Variants in NOVA1 observed in about 807,000 individuals in gnomAD.
The protein encoded by NOVA1 is NOVA alternative splicing regulator 1.
NOVA1 carries 7 observed loss-of-function variants against 38.0 expected under a neutral mutation model. The observed-to-expected ratio is 0.18, with a 90% CI of 0.10 to 0.35. The LOEUF (loss-of-function observed/expected upper bound fraction) is 0.35, where lower values mean the gene tolerates loss of function less well. Ranked by LOEUF, NOVA1 falls within the 10% of genes least tolerant of loss-of-function variation. The pLI is 1.00. For synonymous variants in NOVA1, 270 were observed against 232.5 expected (o/e 1.16, Z -1.47); for missense variants, 460 against 616.0 (o/e 0.75, Z 2.68).
At chr14:26,503,887 C>T (rs1021094782) in intron 2 of NOVA1, among the ~76,000 whole-genome samples, 53 of 151,908 alleles carry the variant, frequency 3.5e-4, no homozygotes, top group South Asian at 2.1e-4. Context: ...AGGCACAAAC[C>T]GAAAAATGAA....
intron 2 of NOVA1, among the ~76,000 whole-genome samples, chr14:26,509,417 A>C (rs1398385301): frequency 6.6e-6 from 1 of 152,172 alleles, no homozygotes; most frequent in East Asian, 1.9e-4. Flanking sequence ...TTTAAAGATA[A>C]AATTGTCAAA....
intron 2 of NOVA1, chr14:26,593,674 TAAATA>T (rs1483222625): frequency 1.3e-5 from 2 of 151,874 alleles, no homozygotes; most frequent in African/African-American, 2.4e-5. Context: ...CTCAGAACTA[TAAATA>T]AAATAATCAA....
chr14:26,494,342 G>A lies in NOVA1; in HGVS notation c.281-14199C>T, dbSNP rs192920582. On this transcript the variant is annotated intron_variant, in intron 2 of 4. Coordinates refer to ENST00000539517, the MANE Select transcript of NOVA1 (RefSeq NM_002515.3). ...TCTCAAATCCCAGGTTTTGGGGGAG[G>A]GGCATGAAATTTTGGCTATTTTCCT... is the stretch of plus-strand genomic sequence containing the variant. Among the ~76,000 whole-genome samples the A allele has an allele frequency of 3.5e-4, 53 of 152,184 alleles. 1 individual carries two copies. The East Asian group carries it at 8.0e-3, about 23-fold the overall frequency.
chr14:26,541,630 C>A (rs1397602794), intron 2 of NOVA1, among the ~76,000 whole-genome samples: 4 of 148,842 alleles, frequency 2.7e-5, no homozygotes, highest in Admixed American at 1.4e-4. Flanking sequence ...AACAGAAAAA[C>A]AGAATTTTGT....
intron 2 of NOVA1, among the ~76,000 whole-genome samples, chr14:26,548,040 A>G (rs1261971245): frequency 6.6e-6 from 1 of 152,110 alleles, no homozygotes; most frequent in Non-Finnish European, 1.5e-5. Context: ...TGTATTGTCC[A>G]AAGATTATAT....
At chr14:26,461,225 G>C (rs1402388560) in intron 4 of NOVA1, among the ~76,000 whole-genome samples, 1 of 152,108 alleles carries the variant, frequency 6.6e-6, no homozygotes, top group Admixed American at 6.6e-5. Flanking sequence ...AAAAAGGAAT[G>C]TTACAGAGCG....
chr14:26,461,766 TAA>T (rs67979659), intron 4 of NOVA1, among the ~76,000 whole-genome samples: 5 of 125,896 alleles, frequency 4.0e-5, no homozygotes, highest in Admixed American at 8.4e-5. Flanking sequence ...CCATCTTTAC[TAA>T]AAAAAAAAAA....
intron 2 of NOVA1, among the ~76,000 whole-genome samples, chr14:26,538,684 C>A (rs187243519): frequency 2.0e-5 from 3 of 152,038 alleles, no homozygotes; most frequent in Admixed American, 6.6e-5. Flanking sequence ...TCTTGCCCCC[C>A]ACTCCTTTCC....
At chr14:26,472,498 T>G in intron 3 of NOVA1, 107 bp from the exon 4 acceptor site, 1 of 478,856 alleles carries the variant, frequency 2.1e-6, no homozygotes, top group Non-Finnish European at 3.5e-6. Context: ...AACAAAATCC[T>G]ATGAACAAAT....
chr14:26,578,000 A>G (rs969220136), intron 2 of NOVA1, among the ~76,000 whole-genome samples: 2 of 146,954 alleles, frequency 1.4e-5, no homozygotes, highest in African/African-American at 5.0e-5. Flanking sequence ...AGGAAATGAG[A>G]AAAAAAAAAA....
intron 2 of NOVA1, among the ~76,000 whole-genome samples, chr14:26,580,681 A>T (rs1055474987): frequency 1.3e-5 from 2 of 152,012 alleles, no homozygotes; most frequent in African/African-American, 4.8e-5. Flanking sequence ...ACCACTAAAA[A>T]CAATAACTGC....
In NOVA1 at chr14:26,447,442, A is replaced by G. The variant is rs1173306557; in HGVS notation, c.*517T>C. ...AAATATTTTACAGTGCTTTTATGCA[A>G]CTATATTGCTTTTTGATCATTTTAA... On this transcript the variant is annotated 3_prime_UTR_variant, in exon 5 of 5. Transcript: ENST00000539517. 3 of 156,098 alleles carry G rather than the reference A, an allele frequency of 1.9e-5. No individual in the cohort carries two copies. Among genetic ancestry groups the G allele is most frequent in the South Asian group, 1.9e-4 (1 of 5,172 alleles). The allele number at this position is 156,098 out of a possible 1,614,324, so 9.7% of individuals were successfully genotyped here. A position where few individuals can be genotyped will look rare whatever the true frequency, so the allele number is the denominator to read the frequency against.
intron 2 of NOVA1, among the ~76,000 whole-genome samples, chr14:26,541,204 T>G (rs1053830446): frequency 6.6e-6 from 1 of 152,052 alleles, no homozygotes; most frequent in Non-Finnish European, 1.5e-5. Flanking sequence ...TGGGAAAATG[T>G]GAAGTTGGAG....
intron 4 of NOVA1, among the ~76,000 whole-genome samples, chr14:26,462,557 G>A (rs569400398): frequency 6.6e-6 from 1 of 152,144 alleles, no homozygotes; most frequent in Non-Finnish European, 1.5e-5. Flanking sequence ...TATAAAGCTA[G>A]AGTTGAGTAT....
chr14:26,556,982 T>A (rs1891526072), intron 2 of NOVA1, among the ~76,000 whole-genome samples: 1 of 152,172 alleles, frequency 6.6e-6, no homozygotes, highest in Non-Finnish European at 1.5e-5. Context: ...TGATTTCTTT[T>A]GAGGATGTAT....
At position 26,448,371 on chromosome 14, in the gene NOVA1, G is replaced by A. The variant is rs1225291837; in HGVS notation, c.1112C>T (p.Ala371Val). ...LLATYASEAS[A>V]SGSTAGGTAG... The stretch of plus-strand genomic sequence containing the variant: ...CGTACCACCAGCTGTGCTGCCACTG[G>A]CTGAGGCTTCACTGGCATAGGTGGC... Residue 371 changes from alanine to valine, a missense_variant, in exon 5 of 5, where the codon GCC (alanine) becomes GTC (valine). Transcript: ENST00000539517. This position sits in a 1 kb window ranked among gnomAD's most constrained non-coding sequence, Gnocchi z 5.3. 1.9e-6 allele frequency: 3 copies of A among 1,613,866 alleles called. No homozygotes were observed. Among genetic ancestry groups the A allele is most frequent in the Non-Finnish European group, 1.7e-6 (2 of 1,179,992 alleles).
chr14:26,485,397 TA>T (rs1487048204), intron 2 of NOVA1, among the ~76,000 whole-genome samples: 1 of 152,172 alleles, frequency 6.6e-6, no homozygotes, highest in African/African-American at 2.4e-5. Context: ...TAATAAGTTA[TA>T]ATTTATCATT....
chr14:26,550,766 G>A (rs1176858479), intron 2 of NOVA1, among the ~76,000 whole-genome samples: 1 of 152,024 alleles, frequency 6.6e-6, no homozygotes, highest in East Asian at 1.9e-4. Flanking sequence ...GGTGCTTTGT[G>A]ACAAAGTCCA....
chr14:26,498,346 G>A lies in NOVA1; in HGVS notation c.281-18203C>T, dbSNP rs535359060. On this transcript the variant is annotated intron_variant, in intron 2 of 4. Transcript: ENST00000539517. ...CTCCCAAAGTGCTGGAATTACAGGC[G>A]TGAGCCACCGTGCCTGGCTGTTAAT... Among the ~76,000 whole-genome samples, 216 of 152,022 alleles carry A rather than the reference G, an allele frequency of 1.4e-3. 1 individual carries two copies. The highest frequency in any genetic ancestry group is 4.6e-3 in the African/African-American group (189 of 41,454).
Sources: gnomAD v4.1 joint callset for allele counts (sites outside exome capture counted in the v4.1 genomes callset) on GRCh38, gnomAD v4.1.1 for gene constraint, Gnocchi (gnomAD v3.1) non-coding constraint, MANE v1.5 for transcripts, NCBI Gene and HGNC (gene_info 2026-07-23, HGNC 2026-07-21) for gene names.